Variants in LARP1B observed in about 807,000 individuals in gnomAD.
The protein encoded by LARP1B is la-related protein 1B.
In LARP1B, 76 loss-of-function variants were observed where a neutral mutation model predicts 114.2. That is an observed-to-expected ratio of 0.67 (90% CI 0.55 to 0.81). The LOEUF is 0.81. Ranked by LOEUF, LARP1B falls within the 30% of genes least tolerant of loss-of-function variation. The pLI, the probability that LARP1B is intolerant of heterozygous loss-of-function variation, is 0.00. For synonymous variants in LARP1B, 345 were observed against 348.0 expected (o/e 0.99, Z 0.10); for missense variants, 1,014 against 1,075.8 (o/e 0.94, Z 0.80).
intron 17 of LARP1B, among the ~76,000 whole-genome samples, chr4:128,204,867 T>TA (rs71587377): frequency 4.7e-5 from 7 of 149,628 alleles, no homozygotes; most frequent in Admixed American, 1.3e-4. Flanking sequence ...TTTTAAAAAT[T>TA]AAAAAAAAAG....
At chr4:128,162,499 C>T (rs1738932856) in intron 12 of LARP1B, among the ~76,000 whole-genome samples, 182 bp downstream of exon 12, 1 of 152,054 alleles carries the variant, frequency 6.6e-6, no homozygotes. Flanking sequence ...CCAGATTATG[C>T]TCAAAGCCAG....
chr4:128,105,231 G>A (rs1781661989), intron 8 of LARP1B, among the ~76,000 whole-genome samples: 3 of 152,106 alleles, frequency 2.0e-5, no homozygotes, highest in South Asian at 4.1e-4. Flanking sequence ...GCTCTTTCTA[G>A]TCAGTGTCAC....
At chr4:128,176,942 G>C in intron 13 of LARP1B, 35 bp downstream of exon 13, 2 of 1,588,890 alleles carry the variant, frequency 1.3e-6, no homozygotes, top group Non-Finnish European at 1.7e-6. Flanking sequence ...GGGAGGCTAT[G>C]ATATCCTTTG....
chr4:128,199,559 C>T lies in LARP1B; in HGVS notation c.2124C>T (p.Thr708=), dbSNP rs763963788. Residue 708 remains threonine (T), a synonymous_variant, in exon 16 of 20, where the codon ACC becomes ACT. Transcript: ENST00000326639. ...AACTTTTGAAGGAAAATGGCTTTAC[C>T]CAACAAGTGTACCACAAGTATCGTC... ...SHELLKENGF[T]QQVYHKYRRR... 5 of 1,593,818 alleles carry T rather than the reference C, an allele frequency of 3.1e-6. No individual in the cohort carries two copies. Among genetic ancestry groups the T allele is most frequent in the Admixed American group, 1.7e-5 (1 of 58,740 alleles).
chr4:128,065,934 G>A (rs1762618483), intron 1 of LARP1B, among the ~76,000 whole-genome samples: 1 of 151,974 alleles, frequency 6.6e-6, no homozygotes, highest in Non-Finnish European at 1.5e-5. Context: ...CCCTGCCTTG[G>A]CATCCCAAGT....
chr4:128,104,063 A>G (rs796960584), intron 8 of LARP1B, among the ~76,000 whole-genome samples: 1 of 151,824 alleles, frequency 6.6e-6, no homozygotes, highest in East Asian at 1.9e-4. Context: ...TCAGCCTCCC[A>G]AAGTGCTGGG....
intron 11 of LARP1B, chr4:128,155,569 C>T: frequency 1.2e-6 from 1 of 827,194 alleles, no homozygotes; most frequent in Non-Finnish European, 2.2e-6. Flanking sequence ...TTTTCTGGGG[C>T]CCAGCAGTTG....
At chr4:128,077,336 TA>T (rs1227237462) in intron 3 of LARP1B, among the ~76,000 whole-genome samples, 236 of 141,656 alleles carry the variant, frequency 1.7e-3, no homozygotes, top group African/African-American at 2.3e-3. Context: ...CCTCTCTACT[TA>T]AAAAAAAAAA....
intron 16 of LARP1B, among the ~76,000 whole-genome samples, 174 bp from the exon 17 acceptor site, chr4:128,200,347 G>T (rs1362236918): frequency 6.6e-6 from 1 of 152,182 alleles, no homozygotes; most frequent in Admixed American, 6.5e-5. Flanking sequence ...GCAGTTCACA[G>T]TAGGGTACCA....
At chr4:128,178,696 C>T in intron 14 of LARP1B, 54 bp downstream of exon 14, 2 of 1,251,372 alleles carry the variant, frequency 1.6e-6, no homozygotes, top group Non-Finnish European at 2.3e-6. Flanking sequence ...TTTAACATTA[C>T]AGAATGAAAC....
At chr4:128,098,765 ATATT>A (rs1404110474) in intron 8 of LARP1B, among the ~76,000 whole-genome samples, 1 of 32,840 alleles carries the variant, frequency 3.0e-5, no homozygotes, top group African/African-American at 1.2e-4. Context: ...ATATATATAT[ATATT>A]TTTTTTTTTT....
intron 1 of LARP1B, among the ~76,000 whole-genome samples, chr4:128,067,933 T>C (rs190893041): frequency 1.3e-5 from 2 of 152,262 alleles, no homozygotes; most frequent in East Asian, 3.9e-4. Flanking sequence ...CAGGCTGGAC[T>C]GCAGTGGCAC....
At chr4:128,205,032 G>A (rs1011383064) in intron 17 of LARP1B, among the ~76,000 whole-genome samples, 1 of 152,160 alleles carries the variant, frequency 6.6e-6, no homozygotes, top group African/African-American at 2.4e-5. Flanking sequence ...TCTGAACTGT[G>A]GTTCCTTTAG....
intron 11 of LARP1B, among the ~76,000 whole-genome samples, chr4:128,137,789 A>T (rs1031380070): frequency 2.3e-4 from 30 of 129,930 alleles, no homozygotes; most frequent in South Asian, 4.8e-4. Context: ...ATATATATAT[A>T]TATTTTTTTT....
intron 5 of LARP1B, among the ~76,000 whole-genome samples, chr4:128,090,527 C>G (rs191262692): frequency 6.6e-6 from 1 of 152,166 alleles, no homozygotes; most frequent in Non-Finnish European, 1.5e-5. Context: ...CTTACATGTA[C>G]TCTAGATAGA....
intron 11 of LARP1B, among the ~76,000 whole-genome samples, chr4:128,140,623 T>C (rs1727578097): frequency 6.6e-6 from 1 of 152,174 alleles, no homozygotes; most frequent in Non-Finnish European, 1.5e-5. Context: ...TTTCTGGTAG[T>C]TGTTACATGA....
At chr4:128,136,487 GTATTTAA>G (rs1230135842) in intron 11 of LARP1B, among the ~76,000 whole-genome samples, 2 of 152,226 alleles carry the variant, frequency 1.3e-5, no homozygotes, top group Non-Finnish European at 2.9e-5. Context: ...CAAATTCAAT[GTATTTAA>G]TATTAAAGCT....
intron 8 of LARP1B, among the ~76,000 whole-genome samples, chr4:128,106,857 A>G (rs1782282839): frequency 6.6e-6 from 1 of 152,202 alleles, no homozygotes; most frequent in African/African-American, 2.4e-5. Flanking sequence ...AAATAGTAAA[A>G]GTCAATTTGC....
At chr4:128,168,352 T>G (rs1301259415) in intron 12 of LARP1B, among the ~76,000 whole-genome samples, 1 of 152,086 alleles carries the variant, frequency 6.6e-6, no homozygotes, top group East Asian at 1.9e-4. Context: ...TATCTTTTTA[T>G]GTGCTTATTT....
Sources: gnomAD v4.1 joint callset for allele counts (sites outside exome capture counted in the v4.1 genomes callset) on GRCh38, gnomAD v4.1.1 for gene constraint, MANE v1.5 for transcripts, NCBI Gene and HGNC (gene_info 2026-07-23, HGNC 2026-07-21) for gene names.